Variants in CNBD1 observed in about 807,000 individuals in gnomAD.
CNBD1 encodes the protein cyclic nucleotide-binding domain-containing protein 1.
A neutral mutation model predicts 54.4 loss-of-function variants in CNBD1; 71 were observed. The observed-to-expected ratio is 1.30, with a 90% CI of 1.08 to 1.59. The LOEUF (loss-of-function observed/expected upper bound fraction) is 1.59. Ranked by LOEUF, CNBD1 falls within the 40% of genes most tolerant of loss-of-function variation. The pLI, the probability that CNBD1 is intolerant of heterozygous loss-of-function variation, is 0.00. For missense variants in CNBD1, 659 were observed against 518.0 expected (o/e 1.27, Z -2.64); for synonymous variants, 182 against 170.7 (o/e 1.07, Z -0.51).
At chr8:87,122,196 A>G (rs1465784423) in intron 4 of CNBD1, among the ~76,000 whole-genome samples, 3 of 151,830 alleles carry the variant, frequency 2.0e-5, no homozygotes, top group African/African-American at 7.2e-5. Flanking sequence ...AGTGTTCAAG[A>G]GTTCCCTTTT....
intron 4 of CNBD1, among the ~76,000 whole-genome samples, chr8:86,944,897 G>C (rs1370139891): frequency 6.6e-6 from 1 of 152,182 alleles, no homozygotes; most frequent in African/African-American, 2.4e-5. Context: ...TAGGGATTTA[G>C]ATTTGACATG....
At chr8:86,870,382 A>G (rs1347068170) in intron 1 of CNBD1, among the ~76,000 whole-genome samples, 1 of 151,656 alleles carries the variant, frequency 6.6e-6, no homozygotes, top group Non-Finnish European at 1.5e-5. Context: ...TTTTTTTAGT[A>G]GAGACGGGCT....
chr8:86,881,909 A>T lies in CNBD1; in HGVS notation c.89-5633A>T, dbSNP rs143468910. On this transcript the variant is annotated intron_variant, in intron 1 of 10. Coordinates refer to ENST00000518476, the MANE Select transcript of CNBD1 (RefSeq NM_173538.3). ...TTCAACAAGCCTGACAAAAATAGGT[A>T]ATGGGAAAAAGATTCCCTATTCAAT... Among the ~76,000 whole-genome samples the T allele has an allele frequency of 4.1e-3, 624 of 152,282 alleles. 3 individuals carry two copies. The highest frequency in any genetic ancestry group is 6.5e-3 in the Admixed American group (100 of 15,298).
At chr8:87,139,582 C>T (rs954710825) in intron 4 of CNBD1, among the ~76,000 whole-genome samples, 1 of 152,282 alleles carries the variant, frequency 6.6e-6, no homozygotes, top group Non-Finnish European at 1.5e-5. Flanking sequence ...ACCTTGACTG[C>T]TGCTGCCTAG....
intron 4 of CNBD1, among the ~76,000 whole-genome samples, chr8:87,054,627 C>T (rs577840073): frequency 1.1e-4 from 16 of 152,250 alleles, no homozygotes; most frequent in South Asian, 4.1e-4. Flanking sequence ...AGCCGCAAAA[C>T]GAAAGGAAGA....
intron 4 of CNBD1, among the ~76,000 whole-genome samples, chr8:87,201,908 A>G (rs1022710381): frequency 6.6e-5 from 10 of 152,124 alleles, no homozygotes; most frequent in African/African-American, 2.4e-4. Context: ...GCCTGCCACC[A>G]CACCTAGCTA....
At chr8:86,963,637 C>T (rs969021925) in intron 4 of CNBD1, among the ~76,000 whole-genome samples, 1 of 152,124 alleles carries the variant, frequency 6.6e-6, no homozygotes, top group African/African-American at 2.4e-5. Flanking sequence ...ACCTGGCCTA[C>T]GAAGGTGACA....
chr8:87,059,681 A>G (rs772580673), intron 4 of CNBD1, among the ~76,000 whole-genome samples: 8 of 152,234 alleles, frequency 5.3e-5, no homozygotes, highest in Non-Finnish European at 1.0e-4. Context: ...GCATGGAGAT[A>G]GCCACTCCCA....
intron 5 of CNBD1, among the ~76,000 whole-genome samples, chr8:87,209,948 C>T (rs1814057794): frequency 6.6e-6 from 1 of 152,132 alleles, no homozygotes; most frequent in Non-Finnish European, 1.5e-5. Context: ...ATCATGAGGG[C>T]AGTCACCCCC....
At chr8:86,992,270 T>G (rs1808770417) in intron 4 of CNBD1, among the ~76,000 whole-genome samples, 1 of 152,114 alleles carries the variant, frequency 6.6e-6, no homozygotes, top group South Asian at 2.1e-4. Context: ...GTAATGCCCT[T>G]TTTTGTTCTT....
rs967385763 is a variant in CNBD1 at position 87,315,002 on chromosome 8, A to G, written c.1042+28331A>G. On this transcript the variant is annotated intron_variant, in intron 8 of 10. Transcript: ENST00000518476. ...ATAGTAGTAGGATTTTTTGGTTGTT[A>G]TATTGATTCTAATGTCTACACGGAA... Among the ~76,000 whole-genome samples, 5 of 152,218 alleles carry G rather than the reference A, an allele frequency of 3.3e-5. No homozygotes were observed. The East Asian group carries it at 5.8e-4, about 18-fold the overall frequency.
intron 4 of CNBD1, among the ~76,000 whole-genome samples, chr8:87,082,020 C>T (rs900250729): frequency 4.6e-5 from 7 of 152,130 alleles, no homozygotes; most frequent in Non-Finnish European, 5.9e-5. Flanking sequence ...AACATAGCAG[C>T]GTCTTCTTGG....
intron 4 of CNBD1, among the ~76,000 whole-genome samples, chr8:86,988,231 C>A (rs554785668): frequency 6.6e-6 from 1 of 150,600 alleles, no homozygotes; most frequent in Non-Finnish European, 1.5e-5. Flanking sequence ...ATTCAATTTC[C>A]AGAGGTTGTA....
Position 87,256,783 on chromosome 8 carries a change from A to G in CNBD1, c.771+19671A>G, listed in dbSNP as rs540972368. 3.1e-5 allele frequency among the ~76,000 whole-genome samples: 3 copies of G among 95,524 alleles called. No homozygotes were observed. The East Asian group carries it at 7.2e-4, about 23-fold the overall frequency. 62.7% of individuals were successfully genotyped at this position (95,524 alleles called of 152,430 possible). On this transcript the variant is annotated intron_variant, in intron 6 of 10. Transcript: ENST00000518476. Reference sequence around the variant, plus strand: ...CCTGGTTAGTTTTCCCTTAAGGTTTACAATGGATATACAGTTCCAAGAGTA... The same window carrying G: ...CCTGGTTAGTTTTCCCTTAAGGTTTGCAATGGATATACAGTTCCAAGAGTA...
At chr8:86,907,846 A>G (rs1297154659) in intron 3 of CNBD1, among the ~76,000 whole-genome samples, 1 of 152,220 alleles carries the variant, frequency 6.6e-6, no homozygotes, top group African/African-American at 2.4e-5. Context: ...TGTAAATCCA[A>G]GAAATTTTTA....
At chr8:87,300,379 A>T (rs1464384606) in intron 8 of CNBD1, among the ~76,000 whole-genome samples, 1 of 152,148 alleles carries the variant, frequency 6.6e-6, no homozygotes. Context: ...CTGGAGAGTC[A>T]CCAGAACGAG....
chr8:87,099,914 C>T (rs1428387989), intron 4 of CNBD1, among the ~76,000 whole-genome samples: 5 of 151,970 alleles, frequency 3.3e-5, no homozygotes, highest in African/African-American at 1.2e-4. Flanking sequence ...ATTCTGTGTC[C>T]GTATGCTTGT....
At chr8:86,925,482 AGTGT>A (rs71275894) in intron 3 of CNBD1, among the ~76,000 whole-genome samples, 43,101 of 141,086 alleles carry the variant, frequency 0.31, 6,907 homozygotes, top group South Asian at 0.45. Context: ...CTTACCAAAA[AGTGT>A]GTGTGTGTGT....
rs561810716 is a variant in CNBD1 at position 87,278,516 on chromosome 8, A to T, written c.772-6162A>T. On this transcript the variant is annotated intron_variant, in intron 6 of 10. Transcript: ENST00000518476. ...GAACAATAACATATATTTTTAAAGC[A>T]TTCAGGAAAAAAAGTAACTTCTGAC... Among the ~76,000 whole-genome samples the T allele has an allele frequency of 3.3e-5, 5 of 151,790 alleles. No individual in the cohort carries two copies. The East Asian group carries it at 9.7e-4, about 29-fold the overall frequency.
Sources: allele counts gnomAD v4.1 joint callset (sites outside exome capture counted in the v4.1 genomes callset), GRCh38; gene constraint gnomAD v4.1.1; transcripts MANE v1.5; gene names NCBI Gene and HGNC (gene_info 2026-07-23, HGNC 2026-07-21).